The following TENM3 variants were observed in gnomAD, a reference collection of about 807,000 sequenced individuals.
TENM3 encodes the protein teneurin transmembrane protein 3.
In TENM3, 63 loss-of-function variants were observed where a neutral mutation model predicts 255.1. The observed-to-expected ratio is 0.25, with a 90% CI of 0.20 to 0.30. TENM3 has a LOEUF of 0.30. Among genes scored for constraint, TENM3 ranks in the 10% least tolerant of loss-of-function variants. The pLI, the probability that TENM3 is intolerant of heterozygous loss-of-function variation, is 1.00. For missense variants in TENM3, 2,929 were observed against 3,461.1 expected (o/e 0.85, Z 3.86); for synonymous variants, 1,306 against 1,322.3 (o/e 0.99, Z 0.27).
chr4:181,849,057 G>T, the TENM3 span, among the ~76,000 whole-genome samples: 14 of 152,258 alleles, frequency 9.2e-5, no homozygotes, highest in African/African-American at 3.1e-4. Flanking sequence ...AAAATGTACA[G>T]TTCACTCATA....
At chr4:182,612,267 G>C (rs1749071320) in intron 4 of TENM3, among the ~76,000 whole-genome samples, 1 of 143,290 alleles carries the variant, frequency 7.0e-6, no homozygotes, top group African/African-American at 2.6e-5. Flanking sequence ...GCGAGACTCG[G>C]TCTCAAAAAA....
Position 182,324,243 on chromosome 4 carries a change from A to G in TENM3, c.223A>G (p.Thr75Ala), listed in dbSNP as rs1016651516. 2 of 1,612,544 alleles carry G rather than the reference A, an allele frequency of 1.2e-6. No homozygotes were observed. Among genetic ancestry groups the G allele is most frequent in the African/African-American group, 1.3e-5 (1 of 75,040 alleles). The change falls in exon 2 of 28, where the codon ACT (threonine) becomes GCT (alanine). Residue 75 changes from threonine to alanine, a missense_variant. Around this residue, in one of 6 missense-constraint regions of TENM3, gnomAD observed 283 missense variants for 256.9 expected, o/e 1.10. Coordinates refer to ENST00000511685, the MANE Select transcript of TENM3 (RefSeq NM_001080477.4). ...DLVHREADEFTRQGQNFTLRQ... is the reference protein window; with the variant it reads ...DLVHREADEFARQGQNFTLRQ... ...GGTTCACAGAGAAGCAGACGAGTTC[A>G]CTAGACAAGGTGGGTAACTGTCCTA... is the stretch of plus-strand genomic sequence containing the variant.
At chr4:181,816,442 C>T in the TENM3 span, among the ~76,000 whole-genome samples, 1 of 152,104 alleles carries the variant, frequency 6.6e-6, no homozygotes, top group South Asian at 2.1e-4. Flanking sequence ...CTCCCTGAGC[C>T]CAGTTTTCAC....
intron 3 of TENM3, among the ~76,000 whole-genome samples, chr4:182,521,236 C>T (rs969168783): frequency 2.0e-5 from 3 of 152,168 alleles, no homozygotes; most frequent in South Asian, 4.1e-4. Context: ...AAACACGTCA[C>T]CATTCTTCTT....
the TENM3 span, among the ~76,000 whole-genome samples, chr4:181,627,457 G>A: frequency 6.6e-6 from 1 of 152,036 alleles, no homozygotes; most frequent in Non-Finnish European, 1.5e-5. Context: ...TTTACATTAG[G>A]TATATCTCCT....
the TENM3 span, among the ~76,000 whole-genome samples, chr4:181,641,534 T>G: frequency 9.4e-6 from 1 of 106,318 alleles, no homozygotes; most frequent in Non-Finnish European, 1.8e-5. Flanking sequence ...TGTGGCTGCA[T>G]AGTATTCCAT....
chr4:181,549,056 C>T, the TENM3 span, among the ~76,000 whole-genome samples: 3 of 152,152 alleles, frequency 2.0e-5, no homozygotes, highest in African/African-American at 7.2e-5. Context: ...AACATCCATG[C>T]TTCCAAAGAG....
chr4:182,653,938 C>T, intron 6 of TENM3, 45 bp downstream of exon 6: 1 of 1,538,330 alleles, frequency 6.5e-7, no homozygotes, highest in Non-Finnish European at 8.8e-7. Context: ...TTTAACATCC[C>T]TTTTCCATAA....
At chr4:181,574,561 C>T in the TENM3 span, among the ~76,000 whole-genome samples, 32 of 152,170 alleles carry the variant, frequency 2.1e-4, no homozygotes, top group African/African-American at 7.2e-4. Flanking sequence ...AAATGTCTTC[C>T]AGTTTATCAG....
the TENM3 span, among the ~76,000 whole-genome samples, chr4:181,681,710 A>T: frequency 2.6e-5 from 4 of 152,030 alleles, no homozygotes. Context: ...ATGAAAATGA[A>T]ATTCACAGGC....
the TENM3 span, among the ~76,000 whole-genome samples, chr4:181,732,366 C>T: frequency 8.5e-4 from 129 of 152,290 alleles, no homozygotes; most frequent in Non-Finnish European, 1.4e-3. Context: ...ACTAACTTGA[C>T]TCAGGTTATT....
At chr4:182,152,436 T>C (rs1750409527) in intron 1 of TENM3, among the ~76,000 whole-genome samples, 1 of 151,988 alleles carries the variant, frequency 6.6e-6, no homozygotes, top group Non-Finnish European at 1.5e-5. Context: ...TCCTTACTTT[T>C]AGAATAATTT....
At chr4:182,552,742 T>G (rs1742175548) in intron 3 of TENM3, among the ~76,000 whole-genome samples, 1 of 152,168 alleles carries the variant, frequency 6.6e-6, no homozygotes, top group Admixed American at 6.5e-5. Flanking sequence ...AATTATAGAA[T>G]GAGATAGTAA....
At chr4:182,166,843 G>C (rs1236433863) in intron 1 of TENM3, among the ~76,000 whole-genome samples, 1 of 151,216 alleles carries the variant, frequency 6.6e-6, no homozygotes, top group East Asian at 2.0e-4. Flanking sequence ...GTTTACTCTT[G>C]TGAAATTATT....
At chr4:181,467,089 G>GTA in the TENM3 span, among the ~76,000 whole-genome samples, 7 of 64,372 alleles carry the variant, frequency 1.1e-4, no homozygotes, top group African/African-American at 3.7e-4. Flanking sequence ...GTGTGCGTGT[G>GTA]TGTGTGTGTG....
At position 182,680,423 on chromosome 4, in the gene TENM3, G is replaced by A. The variant is rs527780927; in HGVS notation, c.1639+74G>A. ...AACACAAGTGATTCCAAAAACTACC[G>A]AGACAGGAAAGAAAGGGGGGGGGAG... On this transcript the variant is annotated intron_variant, in intron 9 of 27. Coordinates refer to ENST00000511685, the MANE Select transcript of TENM3 (RefSeq NM_001080477.4). 387 of 1,001,474 alleles carry A rather than the reference G, an allele frequency of 3.9e-4. 1 individual carries two copies. The highest frequency in any genetic ancestry group is 5.2e-4 in the Non-Finnish European group (345 of 661,874). The allele number at this position is 1,001,474 out of a possible 1,614,324, so 62.0% of individuals were successfully genotyped here.
In TENM3 at chr4:182,704,885, T is replaced by C. The variant is rs553619592; in HGVS notation, c.2222-9202T>C. Among the ~76,000 whole-genome samples the C allele has an allele frequency of 2.6e-5, 4 of 151,732 alleles. No individual in the cohort carries two copies. The South Asian group carries it at 8.3e-4, about 32-fold the overall frequency. On this transcript the variant is annotated intron_variant, in intron 12 of 27. Coordinates refer to ENST00000511685, the MANE Select transcript of TENM3 (RefSeq NM_001080477.4). ...TACTAGTTGGTAAAATGCAAATTAATTGACTTTCCTAAATAGGAAAGAATT... is the reference window on the plus strand; with the variant it reads ...TACTAGTTGGTAAAATGCAAATTAACTGACTTTCCTAAATAGGAAAGAATT...
At chr4:181,504,896 A>AT in the TENM3 span, among the ~76,000 whole-genome samples, 2 of 152,098 alleles carry the variant, frequency 1.3e-5, no homozygotes, top group African/African-American at 4.8e-5. Flanking sequence ...AACATCATAA[A>AT]TTTGTTTACT....
intron 20 of TENM3, 34 bp from the exon 21 acceptor site, chr4:182,753,416 A>T: frequency 6.3e-7 from 1 of 1,589,672 alleles, no homozygotes; most frequent in Non-Finnish European, 8.6e-7. Context: ...ACCATTTTTG[A>T]AAAATTAGTA....
Sources: allele counts gnomAD v4.1 joint callset (sites outside exome capture counted in the v4.1 genomes callset), GRCh38; gene constraint gnomAD v4.1.1; regional missense constraint gnomAD v4.1.1; transcripts MANE v1.5; gene names NCBI Gene and HGNC (gene_info 2026-07-23, HGNC 2026-07-21).